HERC4: variants seen among roughly 807,000 people sequenced by gnomAD.
The protein encoded by HERC4 is HECT and RLD domain containing E3 ubiquitin protein ligase 4, also known as probable E3 ubiquitin-protein ligase HERC4.
A neutral mutation model predicts 124.3 loss-of-function variants in HERC4; 28 were observed. That is an observed-to-expected ratio of 0.23 (90% CI 0.17 to 0.31). The LOEUF (loss-of-function observed/expected upper bound fraction) is 0.31. Ranked by LOEUF, HERC4 falls within the 10% of genes least tolerant of loss-of-function variation. The pLI is 1.00. For synonymous variants in HERC4, 407 were observed against 421.5 expected, an observed-to-expected ratio of 0.97 and a Z score of 0.42; for missense variants, 713 against 1,229.3, an observed-to-expected ratio of 0.58 and a Z score of 6.28.
At chr10:67,947,591 T>C (rs551797147) in intron 19 of HERC4, among the ~76,000 whole-genome samples, 13 of 152,276 alleles carry the variant, frequency 8.5e-5, no homozygotes, top group African/African-American at 2.2e-4. Context: ...AACTACATTA[T>C]AAACCAATAA....
intron 15 of HERC4, among the ~76,000 whole-genome samples, chr10:67,983,680 G>A (rs1395350674): frequency 3.3e-5 from 5 of 151,702 alleles, no homozygotes; most frequent in African/African-American, 1.2e-4. Flanking sequence ...CCAGCTGCTC[G>A]GGAGGCTGAG....
chr10:68,074,249 A>G (rs1279505519), intron 1 of HERC4: 1 of 152,220 alleles, frequency 6.6e-6, no homozygotes. Context: ...AATTACAGGA[A>G]GTCAGCCTTA....
intron 9 of HERC4, among the ~76,000 whole-genome samples, chr10:67,998,842 G>A (rs1315564549): frequency 3.3e-5 from 5 of 152,000 alleles, no homozygotes; most frequent in Non-Finnish European, 5.9e-5. Context: ...GGGTTCAAGC[G>A]ATTCTCCTGC....
intron 17 of HERC4, chr10:67,955,784 TAAAA>T (rs1290851473): frequency 6.6e-6 from 1 of 151,872 alleles, no homozygotes; most frequent in East Asian, 1.9e-4. Flanking sequence ...AAATAAAAAA[TAAAA>T]AACAAAGAAT....
chr10:68,025,408 G>C, intron 8 of HERC4, 138 bp downstream of exon 8: 1 of 823,958 alleles, frequency 1.2e-6, no homozygotes. Context: ...CTGTTACTAT[G>C]ACTCCTCAGT....
At chr10:68,039,779 C>T (rs764959312) in intron 4 of HERC4, 5 of 1,176,986 alleles carry the variant, frequency 4.2e-6, no homozygotes, top group Non-Finnish European at 5.3e-6. Flanking sequence ...AATTACTAAA[C>T]ATTTACTGTT....
chr10:67,944,771 C>T (rs2033193656), intron 19 of HERC4, among the ~76,000 whole-genome samples: 2 of 152,120 alleles, frequency 1.3e-5, no homozygotes, highest in South Asian at 4.1e-4. Flanking sequence ...TAAAAAGAAG[C>T]AGAAATTCTA....
At chr10:67,928,724 C>T (rs1001204349) in intron 23 of HERC4, among the ~76,000 whole-genome samples, 1 of 152,090 alleles carries the variant, frequency 6.6e-6, no homozygotes, top group South Asian at 2.1e-4. Context: ...AGTTCAAGAC[C>T]AGCCTGCCCA....
At chr10:67,942,496 C>T (rs545900077) in intron 19 of HERC4, among the ~76,000 whole-genome samples, 2 of 152,118 alleles carry the variant, frequency 1.3e-5, no homozygotes, top group South Asian at 2.1e-4. Flanking sequence ...TTTTCCTCTA[C>T]CCCCGTTCCA....
chr10:67,923,264 T>TCC, intron 24 of HERC4, 125 bp from the exon 25 acceptor site: 1 of 650,146 alleles, frequency 1.5e-6, no homozygotes, highest in Non-Finnish European at 2.6e-6. Context: ...TTATCTTACT[T>TCC]CCTAATTTGT....
Position 67,992,675 on chromosome 10 carries a change from T to C in HERC4, c.1077A>G (p.Glu359=). The part of the protein sequence containing the change: ...NGQCLPDIDS[E]EYFCVKRIFS... ...AAATTCTTTTTACACAGAAATATTC[T>C]TCAGAATCTGTAATAAAAATGTAAA... The change falls in exon 10 of 25, where the codon GAA becomes GAG. Residue 359 remains glutamate (E), a synonymous_variant. Coordinates refer to ENST00000373700, the MANE Select transcript of HERC4 (RefSeq NM_015601.4). 6.7e-7 allele frequency: 1 copy of C among 1,500,186 alleles called. No homozygotes were observed. Among genetic ancestry groups the C allele is most frequent in the Non-Finnish European group, 9.2e-7 (1 of 1,089,992 alleles). 92.9% of individuals were successfully genotyped at this position (1,500,186 alleles called of 1,614,324 possible).
At chr10:67,974,045 CAAA>C (rs11406155) in intron 15 of HERC4, among the ~76,000 whole-genome samples, 1 of 38,476 alleles carries the variant, frequency 2.6e-5, no homozygotes, top group Non-Finnish European at 4.8e-5. Context: ...GACTCTGTCT[CAAA>C]AAAAAAAAAA....
chr10:67,974,155 T>A (rs1185492971), intron 15 of HERC4, among the ~76,000 whole-genome samples: 1 of 148,858 alleles, frequency 6.7e-6, no homozygotes, highest in East Asian at 2.0e-4. Context: ...ACAACCTTTC[T>A]TAGTTGAAAG....
chr10:67,968,518 G>T (rs962055761), intron 15 of HERC4, among the ~76,000 whole-genome samples: 7 of 151,610 alleles, frequency 4.6e-5, no homozygotes, highest in African/African-American at 1.7e-4. Context: ...GACTACAGGC[G>T]CCCACCACCA....
chr10:68,001,964 C>T (rs183189355), intron 9 of HERC4, among the ~76,000 whole-genome samples: 25 of 152,114 alleles, frequency 1.6e-4, no homozygotes, highest in Admixed American at 4.6e-4. Flanking sequence ...TGCTGATGGA[C>T]GTGGGTTGTT....
intron 9 of HERC4, among the ~76,000 whole-genome samples, chr10:68,003,328 A>ATTTTTT (rs34287961): frequency 7.6e-6 from 1 of 130,840 alleles, no homozygotes. Flanking sequence ...TGCCTGACTA[A>ATTTTTT]TTTTTTTTTT....
At position 67,923,064 on chromosome 10, in the gene HERC4, C is replaced by A. The variant is rs1379696136; in HGVS notation, c.3017G>T (p.Gly1006Val). 1 of 1,613,682 alleles carries A rather than the reference C, an allele frequency of 6.2e-7. No individual in the cohort carries two copies. Among genetic ancestry groups the A allele is most frequent in the East Asian group, 2.2e-5 (1 of 44,864 alleles). Residue 1006 changes from glycine to valine, a missense_variant, in exon 25 of 25, where the codon GGT (glycine) becomes GTT (valine). By Grantham distance (109) the Gly-to-Val change is moderately radical. Coordinates refer to ENST00000373700, the MANE Select transcript of HERC4 (RefSeq NM_015601.4). ...GGAAACTGGGAGATACTCCTCACCA[C>A]CTCCTGTGGACTGGATGACTAGTTT... ...SLKLVIQSTGGGEEYLPVSHT... is the reference protein window; with the variant it reads ...SLKLVIQSTGVGEEYLPVSHT...
At position 68,060,404 on chromosome 10, in the gene HERC4, A is replaced by C. The variant is rs148348714; in HGVS notation, c.226+12479T>G. On this transcript the variant is annotated intron_variant, in intron 3 of 24. Transcript: ENST00000373700. ...AGATGCACACCACCATACCCAGCTA[A>C]TTTTTGTATTTTTTTTAGTAGAGAT... 3.5e-3 allele frequency among the ~76,000 whole-genome samples: 529 copies of C among 152,008 alleles called. 6 individuals are homozygous for C. Among genetic ancestry groups the C allele is most frequent in the African/African-American group, 0.012 (504 of 41,474 alleles).
intron 4 of HERC4, among the ~76,000 whole-genome samples, chr10:68,041,160 A>G (rs2039749104): frequency 1.4e-5 from 2 of 143,036 alleles, no homozygotes; most frequent in Non-Finnish European, 3.0e-5. Flanking sequence ...TTTAGTAAAA[A>G]GTTTATATTA....
Sources: allele counts gnomAD v4.1 joint callset (sites outside exome capture counted in the v4.1 genomes callset), GRCh38; gene constraint gnomAD v4.1.1; transcripts MANE v1.5; gene names NCBI Gene and HGNC (gene_info 2026-07-23, HGNC 2026-07-21).